Variants in PPIL3 observed in about 807,000 individuals in gnomAD.
The protein encoded by PPIL3 is peptidyl-prolyl cis-trans isomerase-like 3.
A neutral mutation model predicts 20.9 loss-of-function variants in PPIL3; 13 were observed. The observed-to-expected ratio is 0.62, with a 90% CI of 0.40 to 0.99. The LOEUF is 0.99. Ranked by LOEUF, PPIL3 falls within the 50% of genes least tolerant of loss-of-function variation. PPIL3 has a pLI of 0.00. For synonymous variants in PPIL3, 71 were observed against 64.4 expected (o/e 1.10, Z -0.49); for missense variants, 170 against 195.2 (o/e 0.87, Z 0.77).
intron 2 of PPIL3, 126 bp downstream of exon 2, chr2:200,887,487 T>G (rs1279800640): frequency 5.9e-6 from 3 of 505,284 alleles, no homozygotes; most frequent in African/African-American, 2.0e-5. Context: ...CCATATTAAG[T>G]GCTTCTATAT....
At chr2:200,889,082 C>T (rs924858100), upstream of PPIL3, 5 of 470,292 alleles carry the variant, frequency 1.1e-5, no homozygotes, top group Non-Finnish European at 2.2e-5. Context: ...GGGCGCGGGA[C>T]CCAAGAGAGA....
chr2:200,880,089 A>T (rs2039666904), intron 5 of PPIL3, among the ~76,000 whole-genome samples: 1 of 152,102 alleles, frequency 6.6e-6, no homozygotes, highest in African/African-American at 2.4e-5. Flanking sequence ...TGTACAAAAA[A>T]TACAAACATT....
intron 2 of PPIL3, among the ~76,000 whole-genome samples, 181 bp downstream of exon 2, chr2:200,887,432 T>A (rs2039980667): frequency 1.3e-5 from 2 of 151,368 alleles, no homozygotes; most frequent in African/African-American, 4.9e-5. Context: ...GTGACAACAT[T>A]AAAGAATTTT....
chr2:200,885,904 C>A, intron 2 of PPIL3, 132 bp from the exon 3 acceptor site: 1 of 557,786 alleles, frequency 1.8e-6, no homozygotes, highest in Non-Finnish European at 3.1e-6. Flanking sequence ...TCAGAGATGA[C>A]CCATCCACAA....
At position 200,883,096 on chromosome 2, in the gene PPIL3, C is replaced by G. The variant is rs2039794870; in HGVS notation, c.79-661G>C. The stretch of plus-strand genomic sequence containing the variant: ...CTGGGGTACTCTGTACCTGAGATTT[C>G]TATATCTGGAATGTTCTTTTTTTTT... On this transcript the variant is annotated intron_variant, in intron 3 of 6. Transcript: ENST00000392283. Among the ~76,000 whole-genome samples, 3 of 142,960 alleles carry G rather than the reference C, an allele frequency of 2.1e-5. No homozygotes were observed. The Admixed American group carries it at 2.1e-4, about 10-fold the overall frequency. The allele number at this position is 142,960 out of a possible 152,430, so 93.8% of individuals were successfully genotyped here.
In PPIL3 at chr2:200,876,911, A is replaced by G; in HGVS notation, c.359+8T>C. The stretch of plus-strand genomic sequence containing the variant: ...ATGCTAAAAGAAAACCATAACCAGA[A>G]TACTCACTTTCCAAATACGGTGTAT... On this transcript the variant is annotated splice_region_variant and intron_variant, in intron 6 of 6. Coordinates refer to ENST00000392283, the MANE Select transcript of PPIL3 (RefSeq NM_130906.3). The G allele has an allele frequency of 6.4e-7, 1 of 1,567,040 alleles. No homozygotes were observed. Among genetic ancestry groups the G allele is most frequent in the Non-Finnish European group, 8.8e-7 (1 of 1,137,258 alleles).
At chr2:200,888,734 C>G (rs1416810814) in intron 1 of PPIL3, among the ~76,000 whole-genome samples, 1 of 152,070 alleles carries the variant, frequency 6.6e-6, no homozygotes, top group Non-Finnish European at 1.5e-5. Context: ...CCGTGTTGGC[C>G]AGGCTGGTCT....
rs1167688230 is a variant in PPIL3, at chr2:200,885,704, T to C, written c.72A>G (p.Thr24=). 5.2e-6 allele frequency: 8 copies of C among 1,552,408 alleles called. No homozygotes were observed. Among genetic ancestry groups the C allele is most frequent in the Admixed American group, 1.7e-5 (1 of 58,872 alleles). The change falls in exon 3 of 7, where the codon ACA becomes ACG. Residue 24 remains threonine, a synonymous_variant. Transcript: ENST00000392283. ...TGTAAATAATAGTACTTACCTCACA[T>C]GTTTTGGGTGTCCTCTCACAGAAGA... is the stretch of plus-strand genomic sequence containing the variant. ...IEVFCERTPK[T]CENFLALCAS...
intron 2 of PPIL3, 72 bp from the exon 3 acceptor site, chr2:200,885,844 T>A: frequency 1.1e-6 from 1 of 885,432 alleles, no homozygotes; most frequent in Non-Finnish European, 1.8e-6. Context: ...TATTTCCCTG[T>A]GTGGATATTC....
At chr2:200,871,561 A>G in intron 6 of PPIL3, 40 bp from the exon 7 acceptor site, 1 of 1,562,928 alleles carries the variant, frequency 6.4e-7, no homozygotes, top group Non-Finnish European at 8.7e-7. Context: ...ATTTCCTTAA[A>G]TTGAAACATG....
intron 6 of PPIL3, among the ~76,000 whole-genome samples, chr2:200,875,513 T>G (rs564435954): frequency 1.6e-4 from 25 of 151,760 alleles, no homozygotes; most frequent in African/African-American, 4.4e-4. Flanking sequence ...TGATCTGCCC[T>G]CCTTGGCCTC....
chr2:200,875,300 G>A (rs374806800), intron 6 of PPIL3, among the ~76,000 whole-genome samples: 2 of 151,572 alleles, frequency 1.3e-5, no homozygotes, highest in African/African-American at 4.8e-5. Context: ...ACGGAGTCTC[G>A]CTTTGTCACC....
chr2:200,879,232 C>T (rs908418557), intron 5 of PPIL3, among the ~76,000 whole-genome samples: 5 of 152,112 alleles, frequency 3.3e-5, no homozygotes, highest in African/African-American at 1.2e-4. Flanking sequence ...CATTCTCCTG[C>T]CTCAGCCTCC....
intron 1 of PPIL3, 39 bp downstream of exon 1, chr2:200,888,917 G>A (rs1559346173): frequency 2.1e-6 from 1 of 471,146 alleles, no homozygotes; most frequent in Middle Eastern, 3.2e-4. Context: ...GCAAGCATTC[G>A]AATAAGTGAA....
intron 5 of PPIL3, 69 bp downstream of exon 5, chr2:200,881,352 C>T: frequency 8.7e-7 from 1 of 1,148,924 alleles, no homozygotes; most frequent in Non-Finnish European, 1.3e-6. Context: ...ATCACTATGA[C>T]ACATGTATCA....
intron 5 of PPIL3, among the ~76,000 whole-genome samples, chr2:200,880,269 C>A (rs1219053462): frequency 6.6e-6 from 1 of 151,792 alleles, no homozygotes; most frequent in Admixed American, 6.6e-5. Flanking sequence ...TTAAAAAAAG[C>A]AAAAAGAAAA....
At chr2:200,879,008 G>A (rs2039618058) in intron 5 of PPIL3, among the ~76,000 whole-genome samples, 1 of 152,080 alleles carries the variant, frequency 6.6e-6, no homozygotes, top group Non-Finnish European at 1.5e-5. Flanking sequence ...GTCTCTTGGT[G>A]CAAACTTACA....
At chr2:200,885,323 A>G in intron 3 of PPIL3, 1 of 361,090 alleles carries the variant, frequency 2.8e-6, no homozygotes, top group Non-Finnish European at 4.9e-6. Flanking sequence ...GTGAGCCGAG[A>G]TCGCGCCATT....
intron 3 of PPIL3, 99 bp downstream of exon 3, chr2:200,885,599 A>C (rs1433653014): frequency 1.6e-5 from 13 of 791,192 alleles, no homozygotes. Flanking sequence ...ATGGTTTTAC[A>C]GAAAGTTTTG....
Sources: allele counts gnomAD v4.1 joint callset (sites outside exome capture counted in the v4.1 genomes callset), GRCh38; gene constraint gnomAD v4.1.1; transcripts MANE v1.5; gene names NCBI Gene and HGNC (gene_info 2026-07-23, HGNC 2026-07-21).